GSS: variants seen among roughly 807,000 people sequenced by gnomAD.
The protein encoded by GSS is glutathione synthetase, also known as GSH synthetase.
A neutral mutation model predicts 60.4 loss-of-function variants in GSS; 34 were observed. The observed-to-expected ratio is 0.56, with a 90% CI of 0.43 to 0.75. The LOEUF (loss-of-function observed/expected upper bound fraction) is 0.75. Among genes scored for constraint, GSS ranks in the 30% least tolerant of loss-of-function variants. GSS has a pLI of 0.00. For missense variants in GSS, 499 were observed against 595.1 expected (o/e 0.84, Z 1.68); for synonymous variants, 224 against 239.0 (o/e 0.94, Z 0.58).
chr20:34,946,380 G>A (rs2081523291), intron 2 of GSS, among the ~76,000 whole-genome samples: 1 of 152,138 alleles, frequency 6.6e-6, no homozygotes. Flanking sequence ...TATGTGCAAG[G>A]TACTATTTTA....
At chr20:34,954,585 A>T (rs556848297) in intron 1 of GSS, 1 of 153,552 alleles carries the variant, frequency 6.5e-6, no homozygotes, top group African/African-American at 2.4e-5. Flanking sequence ...AGAAAGAAAG[A>T]AAAGAAATCA....
At chr20:34,951,889 T>A in intron 1 of GSS, 29 bp from the exon 2 acceptor site, 1 of 1,612,036 alleles carries the variant, frequency 6.2e-7, no homozygotes, top group South Asian at 1.1e-5. Context: ...AGAGAGTTGG[T>A]AACAGATGGC....
chr20:34,931,031 G>A (rs34526995), intron 11 of GSS, among the ~76,000 whole-genome samples: 1 of 152,090 alleles, frequency 6.6e-6, no homozygotes, highest in Non-Finnish European at 1.5e-5. Flanking sequence ...TTTCAAACTA[G>A]AAAGGAAAAC....
intron 12 of GSS, 180 bp downstream of exon 12, chr20:34,929,221 G>A (rs1029805845): frequency 1.4e-6 from 1 of 718,328 alleles, no homozygotes; most frequent in South Asian, 1.6e-5. Context: ...AAGGTGGGCA[G>A]GTCTTGGGTC....
intron 9 of GSS, chr20:34,933,947 G>A (rs990919006): frequency 3.3e-5 from 5 of 152,188 alleles, no homozygotes; most frequent in Non-Finnish European, 5.9e-5. Flanking sequence ...GGGAGGCCAA[G>A]GTGGGTGGAT....
At chr20:34,942,744 T>G in intron 4 of GSS, 117 bp from the exon 5 acceptor site, 1 of 1,090,222 alleles carries the variant, frequency 9.2e-7, no homozygotes, top group African/African-American at 1.5e-5. Context: ...CAGCAAACAC[T>G]CCCAAGCCCA....
intron 1 of GSS, chr20:34,952,086 T>G: frequency 1.7e-6 from 1 of 581,596 alleles, no homozygotes; most frequent in South Asian, 1.9e-5. Flanking sequence ...TCTCTTTTGA[T>G]TCCCAACACA....
chr20:34,948,212 G>A (rs35487260), intron 2 of GSS, among the ~76,000 whole-genome samples: 133 of 152,258 alleles, frequency 8.7e-4, no homozygotes, highest in African/African-American at 3.1e-3. Context: ...GGGAATGACT[G>A]CAGATTACAT....
chr20:34,949,868 G>A lies in GSS; in HGVS notation c.129+1856C>T, dbSNP rs56400038. 12,275 of 152,078 alleles carry A rather than the reference G, an allele frequency of 0.081. 577 individuals are homozygous for A. Among genetic ancestry groups the A allele is most frequent in the South Asian group, 0.13 (624 of 4,808 alleles). The allele number at this position is 152,078 out of a possible 1,614,324, so 9.4% of individuals were successfully genotyped here. A position where few individuals can be genotyped will look rare whatever the true frequency, so the allele number is the denominator to read the frequency against. ...AGCTGATGTTATTTAATTTTGTTTTGTGGTATGTTCTCTAACTAGACCAGG... is the reference window on the plus strand; with the variant it reads ...AGCTGATGTTATTTAATTTTGTTTTATGGTATGTTCTCTAACTAGACCAGG... On this transcript the variant is annotated intron_variant, in intron 2 of 12. Transcript: ENST00000651619.
chr20:34,946,039 C>A lies in GSS; in HGVS notation c.189G>T (p.Glu63Asp). ...FPSLVPSALL[E>D]QAYAVQMDFN... The stretch of plus-strand genomic sequence containing the variant: ...AGTCCATCTGCACAGCATAGGCTTG[C>A]TCCAGCAGGGCACTGGGGACCAGTG... Residue 63 changes from glutamate (E) to aspartate (D), a missense_variant, in exon 3 of 13, where the codon GAG (glutamate) becomes GAT (aspartate). Glu to Asp is a conservative substitution (Grantham distance 45). Transcript: ENST00000651619. 1.9e-6 allele frequency: 3 copies of A among 1,613,946 alleles called. No individual in the cohort carries two copies. The highest frequency in any genetic ancestry group is 2.5e-6 in the Non-Finnish European group (3 of 1,179,818).
chr20:34,930,412 C>T (rs1039884519), intron 11 of GSS, among the ~76,000 whole-genome samples: 2 of 152,176 alleles, frequency 1.3e-5, no homozygotes, highest in South Asian at 2.1e-4. Context: ...CCTTCCTACT[C>T]CCAATCAGGC....
At chr20:34,929,714 G>C (rs1273291394) in intron 11 of GSS, 124 bp from the exon 12 acceptor site, 34 of 831,930 alleles carry the variant, frequency 4.1e-5, no homozygotes, top group Non-Finnish European at 6.0e-5. Flanking sequence ...AGTGAAGCCA[G>C]GGCATATCTG....
chr20:34,933,292 G>C (rs2081416716), intron 9 of GSS, among the ~76,000 whole-genome samples: 1 of 152,116 alleles, frequency 6.6e-6, no homozygotes, highest in South Asian at 2.1e-4. Context: ...ATAAATATTT[G>C]TTGTTGTTGC....
intron 4 of GSS, 140 bp from the exon 5 acceptor site, chr20:34,942,767 T>G (rs2081494185): frequency 1.0e-6 from 1 of 980,108 alleles, no homozygotes; most frequent in African/African-American, 1.6e-5. Context: ...GGAATCATTC[T>G]TCTGGTCATC....
chr20:34,935,765 C>G, intron 8 of GSS, 123 bp from the exon 9 acceptor site: 2 of 734,408 alleles, frequency 2.7e-6, no homozygotes, highest in South Asian at 2.9e-5. Context: ...ACAGTGGGAG[C>G]CTGGTCAGGG....
intron 6 of GSS, 37 bp downstream of exon 6, chr20:34,941,675 TA>T: frequency 9.0e-7 from 1 of 1,112,332 alleles, no homozygotes; most frequent in Non-Finnish European, 1.4e-6. Flanking sequence ...ATGCTGAAAC[TA>T]AAGCAGGATC....
At chr20:34,949,179 T>A (rs1318847848) in intron 2 of GSS, among the ~76,000 whole-genome samples, 1 of 152,192 alleles carries the variant, frequency 6.6e-6, no homozygotes, top group African/African-American at 2.4e-5. Context: ...CTTTTGAATT[T>A]TGCGCCCTGT....
intron 6 of GSS, among the ~76,000 whole-genome samples, chr20:34,937,367 T>C (rs1344691075): frequency 6.6e-6 from 1 of 152,244 alleles, no homozygotes; most frequent in Non-Finnish European, 1.5e-5. Flanking sequence ...AGAGGACTTT[T>C]TCTTAGAACT....
intron 2 of GSS, among the ~76,000 whole-genome samples, chr20:34,949,170 T>C (rs546385584): frequency 6.6e-6 from 1 of 152,338 alleles, no homozygotes; most frequent in Non-Finnish European, 1.5e-5. Flanking sequence ...CTGAATACCC[T>C]TTTGAATTTT....
Sources: gnomAD v4.1 joint callset for allele counts (sites outside exome capture counted in the v4.1 genomes callset) on GRCh38, gnomAD v4.1.1 for gene constraint, MANE v1.5 for transcripts, NCBI Gene and HGNC (gene_info 2026-07-23, HGNC 2026-07-21) for gene names.